The following CADM2 variants were observed in gnomAD, a reference collection of about 807,000 sequenced individuals.
The protein encoded by CADM2 is immunoglobulin superfamily member 4D.
Under a neutral mutation model 49.8 loss-of-function variants are expected in CADM2, and 12 were observed. The observed-to-expected ratio is 0.24, with a 90% CI of 0.15 to 0.39. The LOEUF (loss-of-function observed/expected upper bound fraction) is 0.39, where lower values mean the gene tolerates loss of function less well. Among genes scored for constraint, CADM2 ranks in the 10% least tolerant of loss-of-function variants. The pLI, the probability that CADM2 is intolerant of heterozygous loss-of-function variation, is 1.00. For synonymous variants in CADM2, 214 were observed against 175.4 expected, an observed-to-expected ratio of 1.22 and a Z score of -1.74; for missense variants, 378 against 492.3, an observed-to-expected ratio of 0.77 and a Z score of 2.20.
At chr3:85,599,180 A>C (rs1029774132) in intron 1 of CADM2, among the ~76,000 whole-genome samples, 1 of 151,956 alleles carries the variant, frequency 6.6e-6, no homozygotes, top group Admixed American at 6.6e-5. Flanking sequence ...TTGGCAATGC[A>C]ACCTATTCAT....
intron 1 of CADM2, among the ~76,000 whole-genome samples, chr3:85,336,160 T>C (rs1231513728): frequency 6.6e-6 from 1 of 151,498 alleles, no homozygotes; most frequent in East Asian, 1.9e-4. Flanking sequence ...TTCTGCACTA[T>C]TGTTACTGCC....
At chr3:85,053,137 T>A (rs969198431) in intron 1 of CADM2, among the ~76,000 whole-genome samples, 2 of 152,014 alleles carry the variant, frequency 1.3e-5, no homozygotes, top group African/African-American at 4.8e-5. Context: ...GCCAAACTAG[T>A]AAAAAATTAT....
chr3:85,371,677 G>GTGTATATATATA (rs1251505613), intron 1 of CADM2, among the ~76,000 whole-genome samples: 15 of 95,126 alleles, frequency 1.6e-4, no homozygotes, highest in African/African-American at 5.8e-4. Context: ...GTGTGTGTGT[G>GTGTATATATATA]TATATATATA....
chr3:85,461,373 T>C (rs1403519742), intron 1 of CADM2, among the ~76,000 whole-genome samples: 1 of 152,140 alleles, frequency 6.6e-6, no homozygotes. Context: ...TACTTTATAT[T>C]TGAAATTATT....
rs138018159 is a variant in CADM2, at chr3:85,183,573, C to T, written c.61+223905C>T. ...CCCCATCCCACCAGTGCCTTCAGAACGCTCTTTCTGCTGAGACAGCTATTT... is the reference window on the plus strand; with the variant it reads ...CCCCATCCCACCAGTGCCTTCAGAATGCTCTTTCTGCTGAGACAGCTATTT... On this transcript the variant is annotated intron_variant, in intron 1 of 9. Transcript: ENST00000383699. 8.5e-5 allele frequency among the ~76,000 whole-genome samples: 13 copies of T among 152,216 alleles called. No homozygotes were observed. In the East Asian group the frequency reaches 1.9e-3, roughly 23 times the overall value.
chr3:84,964,811 A>G (rs891200445), intron 1 of CADM2, among the ~76,000 whole-genome samples: 5 of 152,214 alleles, frequency 3.3e-5, no homozygotes, highest in African/African-American at 1.2e-4. Context: ...TGAATAATAT[A>G]TATGTCCTAA....
chr3:85,097,452 A>G (rs2037842639), intron 1 of CADM2, among the ~76,000 whole-genome samples: 1 of 152,190 alleles, frequency 6.6e-6, no homozygotes, highest in African/African-American at 2.4e-5. Context: ...TAGTGCCGCA[A>G]TAAACATATG....
At chr3:85,130,995 C>T (rs2039208066) in intron 1 of CADM2, among the ~76,000 whole-genome samples, 1 of 152,014 alleles carries the variant, frequency 6.6e-6, no homozygotes, top group Non-Finnish European at 1.5e-5. Flanking sequence ...CCAGCCTGGC[C>T]AACATAGTGA....
chr3:85,852,781 A>G (rs2052225582), intron 3 of CADM2, among the ~76,000 whole-genome samples: 1 of 152,038 alleles, frequency 6.6e-6, no homozygotes, highest in African/African-American at 2.4e-5. Context: ...AACAGAACCT[A>G]TACACTTTGA....
At chr3:85,751,212 G>T (rs1303415531) in intron 2 of CADM2, among the ~76,000 whole-genome samples, 5 of 151,998 alleles carry the variant, frequency 3.3e-5, no homozygotes, top group African/African-American at 7.2e-5. Context: ...TAGTCAAGGG[G>T]TCTAACATTC....
At chr3:85,057,618 T>A (rs1404535008) in intron 1 of CADM2, among the ~76,000 whole-genome samples, 2 of 152,136 alleles carry the variant, frequency 1.3e-5, no homozygotes, top group African/African-American at 4.8e-5. Context: ...ACAATAATCA[T>A]AATGTCCATA....
intron 1 of CADM2, among the ~76,000 whole-genome samples, chr3:85,694,903 T>G (rs1403897811): frequency 6.6e-6 from 1 of 151,984 alleles, no homozygotes; most frequent in Non-Finnish European, 1.5e-5. Context: ...AAATCCAGCC[T>G]TGGCAACACA....
chr3:85,297,942 AG>A (rs2044006712), intron 1 of CADM2, among the ~76,000 whole-genome samples: 1 of 152,198 alleles, frequency 6.6e-6, no homozygotes, highest in South Asian at 2.1e-4. Flanking sequence ...ATGCCTTGAA[AG>A]GAAGAAATAA....
At chr3:85,111,902 T>A (rs1400304293) in intron 1 of CADM2, among the ~76,000 whole-genome samples, 2 of 151,870 alleles carry the variant, frequency 1.3e-5, no homozygotes, top group Middle Eastern at 3.2e-3. Context: ...TATAATGGTT[T>A]CTAATTTCGT....
chr3:85,585,911 C>T (rs1358027084), intron 1 of CADM2, among the ~76,000 whole-genome samples: 2 of 151,958 alleles, frequency 1.3e-5, no homozygotes, highest in African/African-American at 2.4e-5. Flanking sequence ...ACAGGTGTGA[C>T]AGCTCTTAGT....
At chr3:86,029,770 C>T (rs988286237) in intron 8 of CADM2, among the ~76,000 whole-genome samples, 1 of 151,902 alleles carries the variant, frequency 6.6e-6, no homozygotes, top group African/African-American at 2.4e-5. Context: ...AGGGAAATGC[C>T]CAGCCTTCTC....
chr3:85,031,639 C>T (rs1265563344), intron 1 of CADM2, among the ~76,000 whole-genome samples: 2 of 152,112 alleles, frequency 1.3e-5, no homozygotes, highest in African/African-American at 4.8e-5. Context: ...CTCAGCCTCC[C>T]GAGTAGCTGG....
intron 8 of CADM2, among the ~76,000 whole-genome samples, chr3:86,001,865 G>T (rs1178939402): frequency 3.3e-5 from 5 of 152,106 alleles, no homozygotes; most frequent in Non-Finnish European, 5.9e-5. Context: ...GGAAGTCATT[G>T]CTGTATAATT....
chr3:85,158,992 G>T (rs1249234305), intron 1 of CADM2, among the ~76,000 whole-genome samples: 2 of 152,116 alleles, frequency 1.3e-5, no homozygotes, highest in Non-Finnish European at 2.9e-5. Context: ...TGCTGAGAAA[G>T]TTCCGTTTAC....
Sources: allele counts gnomAD v4.1 joint callset (sites outside exome capture counted in the v4.1 genomes callset), GRCh38; gene constraint gnomAD v4.1.1; transcripts MANE v1.5; gene names NCBI Gene and HGNC (gene_info 2026-07-23, HGNC 2026-07-21).